The following PLG variants were observed in gnomAD, a reference collection of about 807,000 sequenced individuals.
The protein encoded by PLG is plasminogen, also known as plasmin.
A neutral mutation model predicts 104.4 loss-of-function variants in PLG; 41 were observed. The ratio of observed to expected loss-of-function variants is 0.39; its 90% CI spans 0.31 to 0.51. The LOEUF is 0.51. Among genes scored for constraint, PLG ranks in the 20% least tolerant of loss-of-function variants. The pLI is 0.76. For synonymous variants in PLG, 337 were observed against 357.1 expected (o/e 0.94, Z 0.63); for missense variants, 891 against 1,003.6 (o/e 0.89, Z 1.52).
chr6:160,709,635 G>A (rs1422978275), intron 3 of PLG, among the ~76,000 whole-genome samples: 1 of 152,108 alleles, frequency 6.6e-6, no homozygotes, highest in East Asian at 1.9e-4. Flanking sequence ...TTATCTCCTA[G>A]GTGTCAGCTC....
In PLG at chr6:160,738,656, T is replaced by C; in HGVS notation, c.1877+44T>C. On this transcript the variant is annotated intron_variant, in intron 15 of 18. Transcript: ENST00000308192. The surrounding 1 kb of genome is among the most constrained non-coding windows in gnomAD (Gnocchi z 6.8). ...TGACATGAAGTCTTGTCTTAAATAC[T>C]TTTTCTGTCCTTCTTTTCCTCCTTT... 2 of 1,246,958 alleles carry C rather than the reference T, an allele frequency of 1.6e-6. No homozygotes were observed. Among genetic ancestry groups the C allele is most frequent in the Non-Finnish European group, 2.4e-6 (2 of 844,822 alleles). 77.2% of individuals were successfully genotyped at this position (1,246,958 alleles called of 1,614,324 possible). A position where few individuals can be genotyped will look rare whatever the true frequency, so the allele number is the denominator to read the frequency against.
intron 1 of PLG, among the ~76,000 whole-genome samples, chr6:160,704,830 C>A (rs1294479102): frequency 6.6e-6 from 1 of 152,192 alleles, no homozygotes; most frequent in Non-Finnish European, 1.5e-5. Context: ...CCCTGTCCTG[C>A]CCCTTGTGCT....
chr6:160,727,015 G>A (rs1777931155), intron 10 of PLG, among the ~76,000 whole-genome samples: 1 of 151,902 alleles, frequency 6.6e-6, no homozygotes, highest in South Asian at 2.1e-4. Context: ...AAAGATTCAT[G>A]TAATTGATAA....
intron 12 of PLG, among the ~76,000 whole-genome samples, chr6:160,733,525 AAAT>A (rs951501150): frequency 7.2e-6 from 1 of 139,104 alleles, no homozygotes; most frequent in Admixed American, 7.0e-5. Context: ...AACTTTGCCA[AAAT>A]AATAATAATA....
chr6:160,731,697 C>T lies in PLG; in HGVS notation c.1439-48C>T, dbSNP rs371251052. On this transcript the variant is annotated intron_variant, in intron 11 of 18. Coordinates refer to ENST00000308192, the MANE Select transcript of PLG (RefSeq NM_000301.5). The surrounding 1 kb of genome is among the most constrained non-coding windows in gnomAD (Gnocchi z 5.1). ...CATGACTGTATTGATTCCATATCAT[C>T]CTGGGTCTCTGTGGCTCTTCATAAT... is the stretch of plus-strand genomic sequence containing the variant. 50 of 1,577,282 alleles carry T rather than the reference C, an allele frequency of 3.2e-5. No individual in the cohort carries two copies. The highest frequency in any genetic ancestry group is 1.3e-4 in the Admixed American group (8 of 59,942).
Position 160,736,740 on chromosome 6 carries a change from A to T in PLG, c.1682-147A>T. The T allele has an allele frequency of 9.9e-7, 1 of 1,013,206 alleles. No homozygotes were observed. Among genetic ancestry groups the T allele is most frequent in the Non-Finnish European group, 1.5e-6 (1 of 671,514 alleles). The allele number at this position is 1,013,206 out of a possible 1,614,324, so 62.8% of individuals were successfully genotyped here. ...TTGTCTACTACCACTTTTGAAACTTAGAGAAAATGTTCCAAAAGATGATGA... is the reference window on the plus strand; with the variant it reads ...TTGTCTACTACCACTTTTGAAACTTTGAGAAAATGTTCCAAAAGATGATGA... On this transcript the variant is annotated intron_variant, in intron 13 of 18. Coordinates refer to ENST00000308192, the MANE Select transcript of PLG (RefSeq NM_000301.5). This position sits in a 1 kb window ranked among gnomAD's most constrained non-coding sequence, Gnocchi z 5.2.
At chr6:160,747,458 G>A (rs1778295664) in intron 17 of PLG, among the ~76,000 whole-genome samples, 1 of 152,166 alleles carries the variant, frequency 6.6e-6, no homozygotes, top group East Asian at 1.9e-4. Context: ...TTAGGAGTCT[G>A]AAGCCCTGGA....
chr6:160,716,398 T>C (rs1385864179), intron 6 of PLG, among the ~76,000 whole-genome samples: 1 of 151,426 alleles, frequency 6.6e-6, no homozygotes, highest in Non-Finnish European at 1.5e-5. Flanking sequence ...GTTCAAGGAG[T>C]TCAAGGCAAG....
chr6:160,713,112 T>C lies in PLG; in HGVS notation c.534T>C (p.Ile178=), dbSNP rs773535126. The C allele has an allele frequency of 1.9e-6, 3 of 1,610,586 alleles. No homozygotes were observed. The highest frequency in any genetic ancestry group is 2.5e-6 in the Non-Finnish European group (3 of 1,178,584). Reference sequence around the variant, plus strand: ...AAAAGAGATATGACTACTGCGACATTCTTGAGTGTGAAGGTCAGGAGTGGT... The same window carrying C: ...AAAAGAGATATGACTACTGCGACATCCTTGAGTGTGAAGGTCAGGAGTGGT... ...DPEKRYDYCD[I]LECEEECMHC... Residue 178 remains isoleucine, a synonymous_variant, in exon 5 of 19, where the codon ATT becomes ATC. Coordinates refer to ENST00000308192, the MANE Select transcript of PLG (RefSeq NM_000301.5).
rs2115179312 is a variant in PLG at position 160,738,232 on chromosome 6, C to A, written c.1803-306C>A. Among the ~76,000 whole-genome samples, 1 of 152,260 alleles carries A rather than the reference C, an allele frequency of 6.6e-6. No individual in the cohort carries two copies. Among genetic ancestry groups the A allele is most frequent in the African/African-American group, 2.4e-5 (1 of 41,562 alleles). On this transcript the variant is annotated intron_variant, in intron 14 of 18. Transcript: ENST00000308192. The surrounding 1 kb of genome is among the most constrained non-coding windows in gnomAD (Gnocchi z 6.8). ...TGGTGGCTTCTGTTGGAGTCCTGGG[C>A]TGTGGGGTGAAAGCCGTGGCTGTAG... is the stretch of plus-strand genomic sequence containing the variant.
chr6:160,707,368 G>T (rs549660191), intron 2 of PLG, among the ~76,000 whole-genome samples: 2 of 152,142 alleles, frequency 1.3e-5, no homozygotes, highest in Non-Finnish European at 2.9e-5. Context: ...CTATCTTGGC[G>T]AATGGGTTCA....
rs116448506 is a variant in PLG at position 160,734,143 on chromosome 6, A to C, written c.1681+55A>C. 1.6e-3 allele frequency: 1,637 copies of C among 1,020,320 alleles called. 23 individuals carry two copies. In the African/African-American group the frequency reaches 0.023, roughly 14 times the overall value. 63.2% of individuals were successfully genotyped at this position (1,020,320 alleles called of 1,614,324 possible). A position where few individuals can be genotyped will look rare whatever the true frequency, so the allele number is the denominator to read the frequency against. ...TGCTTACTTAATATGGATTTGCAACAAAAAAGGAAAAGGGCTTCTGAGCAG... is the reference window on the plus strand; with the variant it reads ...TGCTTACTTAATATGGATTTGCAACCAAAAAGGAAAAGGGCTTCTGAGCAG... On this transcript the variant is annotated intron_variant, in intron 13 of 18. Coordinates refer to ENST00000308192, the MANE Select transcript of PLG (RefSeq NM_000301.5). The surrounding 1 kb of genome is among the most constrained non-coding windows in gnomAD (Gnocchi z 4.4).
intron 7 of PLG, 119 bp from the exon 8 acceptor site, chr6:160,718,175 C>G: frequency 1.2e-6 from 1 of 838,598 alleles, no homozygotes; most frequent in Non-Finnish European, 2.0e-6. Flanking sequence ...TGACTTGAAC[C>G]CAGGAGGCAG....
chr6:160,730,969 G>C, intron 10 of PLG, 82 bp from the exon 11 acceptor site: 1 of 1,405,798 alleles, frequency 7.1e-7, no homozygotes, highest in South Asian at 1.2e-5. Context: ...TTAACACTTT[G>C]TTAGAACAAA....
Position 160,732,181 on chromosome 6 carries a change from C to G in PLG, c.1587+288C>G, listed in dbSNP as rs1179943983. ...AAGTTTCCATTATTGGGGACTGTCT[C>G]TAGTTTCTAGTGTTTGTATGCTAGG... On this transcript the variant is annotated intron_variant, in intron 12 of 18. Coordinates refer to ENST00000308192, the MANE Select transcript of PLG (RefSeq NM_000301.5). The surrounding 1 kb of genome is among the most constrained non-coding windows in gnomAD (Gnocchi z 4.5). 6.6e-6 allele frequency among the ~76,000 whole-genome samples: 1 copy of G among 152,118 alleles called. No individual in the cohort carries two copies. The highest frequency in any genetic ancestry group is 1.5e-5 in the Non-Finnish European group (1 of 68,028).
intron 10 of PLG, among the ~76,000 whole-genome samples, chr6:160,729,179 T>A (rs1777960669): frequency 1.3e-5 from 2 of 152,152 alleles, no homozygotes; most frequent in African/African-American, 4.8e-5. Flanking sequence ...ATCAAAGATA[T>A]AAGAATTATA....
At position 160,739,393 on chromosome 6, in the gene PLG, A is replaced by G. The variant is rs527551591; in HGVS notation, c.2018+185A>G. Among the ~76,000 whole-genome samples, 3 of 152,276 alleles carry G rather than the reference A, an allele frequency of 2.0e-5. No homozygotes were observed. In the East Asian group the frequency reaches 5.8e-4, roughly 29 times the overall value. ...CTGCCACATGCTAGCTGTGCTCTTGAGAAAGGCAGCAGGACTCCGTTTTCT... is the reference window on the plus strand; with the variant it reads ...CTGCCACATGCTAGCTGTGCTCTTGGGAAAGGCAGCAGGACTCCGTTTTCT... On this transcript the variant is annotated intron_variant, in intron 16 of 18. Coordinates refer to ENST00000308192, the MANE Select transcript of PLG (RefSeq NM_000301.5). This position sits in a 1 kb window ranked among gnomAD's most constrained non-coding sequence, Gnocchi z 4.4.
chr6:160,731,987 C>A lies in PLG; in HGVS notation c.1587+94C>A. ...GTTACAGAAAATCTGACCTGGACTGCTCTTTTTTGTAATGGGGGAGAGGGG... is the reference window on the plus strand; with the variant it reads ...GTTACAGAAAATCTGACCTGGACTGATCTTTTTTGTAATGGGGGAGAGGGG... On this transcript the variant is annotated intron_variant, in intron 12 of 18. Coordinates refer to ENST00000308192, the MANE Select transcript of PLG (RefSeq NM_000301.5). This position sits in a 1 kb window ranked among gnomAD's most constrained non-coding sequence, Gnocchi z 5.1. The A allele has an allele frequency of 2.3e-6, 3 of 1,301,852 alleles. No individual in the cohort carries two copies. The highest frequency in any genetic ancestry group is 3.3e-6 in the Non-Finnish European group (3 of 901,738). The allele number at this position is 1,301,852 out of a possible 1,614,324, so 80.6% of individuals were successfully genotyped here. A position where few individuals can be genotyped will look rare whatever the true frequency, so the allele number is the denominator to read the frequency against.
chr6:160,730,999 C>T, intron 10 of PLG, 52 bp from the exon 11 acceptor site: 1 of 1,555,410 alleles, frequency 6.4e-7, no homozygotes, highest in Admixed American at 1.7e-5. Flanking sequence ...GTGCTGGGTG[C>T]CCCTGAATAT....
Sources: allele counts gnomAD v4.1 joint callset (sites outside exome capture counted in the v4.1 genomes callset), GRCh38; gene constraint gnomAD v4.1.1; non-coding constraint Gnocchi (gnomAD v3.1); transcripts MANE v1.5; gene names NCBI Gene and HGNC (gene_info 2026-07-23, HGNC 2026-07-21).